Variants in SDK2 observed in about 807,000 individuals in gnomAD.
SDK2 encodes sidekick cell adhesion molecule 2.
SDK2 carries 105 observed loss-of-function variants against 253.9 expected under a neutral mutation model. The ratio of observed to expected loss-of-function variants is 0.41; its 90% confidence interval spans 0.35 to 0.49. The LOEUF (loss-of-function observed/expected upper bound fraction) is 0.49, where lower values mean the gene tolerates loss of function less well. SDK2 is among the 20% of genes least tolerant of loss of function. SDK2 has a pLI of 0.06. For synonymous variants in SDK2, 1,249 were observed against 1,234.9 expected, an observed-to-expected ratio of 1.01 and a Z score of -0.24; for missense variants, 2,608 against 3,003.0, an observed-to-expected ratio of 0.87 and a Z score of 3.07.
chr17:73,504,213 T>TGAGA (rs1435356845), intron 2 of SDK2: 5 of 83,322 alleles, frequency 6.0e-5, no homozygotes, highest in Non-Finnish European at 1.8e-4. Flanking sequence ...TGTGTGTGTG[T>TGAGA]GTGAGAGAGA....
At chr17:73,468,292 G>A (rs2063617635) in intron 3 of SDK2, among the ~76,000 whole-genome samples, 1 of 152,168 alleles carries the variant, frequency 6.6e-6, no homozygotes, top group Non-Finnish European at 1.5e-5. Context: ...ACTGATGCAG[G>A]GTGCACTGTT....
intron 44 of SDK2, among the ~76,000 whole-genome samples, chr17:73,340,734 GTTTTTT>G (rs10638504): frequency 9.0e-5 from 7 of 77,550 alleles, no homozygotes; most frequent in Non-Finnish European, 1.3e-4. Context: ...AAACCTTAAA[GTTTTTT>G]TTTTTTTTTT....
At chr17:73,440,587 G>A (rs911204570) in intron 6 of SDK2, among the ~76,000 whole-genome samples, 5 of 152,128 alleles carry the variant, frequency 3.3e-5, no homozygotes, top group Admixed American at 1.3e-4. Context: ...TTCCCTGTAA[G>A]TTCCATCCAG....
In SDK2 at chr17:73,456,016, G is replaced by C; in HGVS notation, c.369C>G (p.Ser123Arg). The C allele has an allele frequency of 6.5e-7, 1 of 1,537,924 alleles. No homozygotes were observed. ...TGACAGCTGCTTCTCCGTGGGAGACGCTCTGGTGCTTCTCACCTTCCTCAA... is the reference window on the plus strand; with the variant it reads ...TGACAGCTGCTTCTCCGTGGGAGACCCTCTGGTGCTTCTCACCTTCCTCAA... ...GSFEEGEKHQ[S>R]VSHGEAAVIR... The change falls in exon 4 of 45, where the codon AGC becomes AGG. Residue 123 changes from serine to arginine, a missense_variant. Ser to Arg is a moderately radical substitution (Grantham distance 110, BLOSUM62 -1). Around this residue, in one of 2 missense-constraint regions of SDK2, gnomAD observed 1,505 missense variants for 1,859.1 expected, o/e 0.81. Transcript: ENST00000392650.
chr17:73,529,862 T>C (rs1244577738), intron 1 of SDK2, among the ~76,000 whole-genome samples: 1 of 152,176 alleles, frequency 6.6e-6, no homozygotes, highest in African/African-American at 2.4e-5. Context: ...TGAGATGATA[T>C]ATTTTTGTTA....
At chr17:73,350,179 T>C in intron 43 of SDK2, 58 bp downstream of exon 43, 4 of 131,154 alleles carry the variant, frequency 3.0e-5, no homozygotes, top group East Asian at 4.5e-4. Flanking sequence ...TTCCCCAGCA[T>C]TCTCCCCACC....
chr17:73,606,208 G>A (rs2045905014), intron 1 of SDK2, among the ~76,000 whole-genome samples: 1 of 152,180 alleles, frequency 6.6e-6, no homozygotes, highest in African/African-American at 2.4e-5. Flanking sequence ...ATGAAAAGAG[G>A]CTGACGTTCT....
intron 2 of SDK2, among the ~76,000 whole-genome samples, chr17:73,475,721 C>G (rs1325406892): frequency 6.6e-6 from 1 of 152,112 alleles, no homozygotes; most frequent in Non-Finnish European, 1.5e-5. Context: ...TAAAAGCACG[C>G]GATAGCAAGA....
In SDK2 at chr17:73,431,372, G is replaced by A. The variant is rs1209658338; in HGVS notation, c.1480+130C>T. ...CTCTGATGAGAAGGGCCCTGACTGG[G>A]ACAGACACTGGGGATGGAGACACTG... On this transcript the variant is annotated intron_variant, in intron 11 of 44. Coordinates refer to ENST00000392650, the MANE Select transcript of SDK2 (RefSeq NM_001144952.2). The surrounding 1 kb of genome is among the most constrained non-coding windows in gnomAD (Gnocchi z 5.6). 3 of 896,644 alleles carry A rather than the reference G, an allele frequency of 3.3e-6. No homozygotes were observed. Among genetic ancestry groups the A allele is most frequent in the Non-Finnish European group, 5.0e-6 (3 of 605,446 alleles). 55.5% of individuals were successfully genotyped at this position (896,644 alleles called of 1,614,324 possible).
At chr17:73,484,883 G>C (rs1410167967) in intron 2 of SDK2, among the ~76,000 whole-genome samples, 1 of 152,082 alleles carries the variant, frequency 6.6e-6, no homozygotes, top group Non-Finnish European at 1.5e-5. Context: ...TGAACTCCTG[G>C]GCTCAAATGA....
intron 18 of SDK2, among the ~76,000 whole-genome samples, chr17:73,406,701 G>A (rs930372923): frequency 1.3e-5 from 2 of 152,064 alleles, no homozygotes; most frequent in African/African-American, 4.8e-5. Context: ...AATATTCAAC[G>A]TAATTATAGA....
rs1172989221 is a variant in SDK2 at position 73,385,935 on chromosome 17, C to G, written c.4499-18G>C. On this transcript the variant is annotated intron_variant, in intron 31 of 44. Transcript: ENST00000392650. The stretch of plus-strand genomic sequence containing the variant: ...ATCGGGGGCTGTGGAGAGAAGCAGA[C>G]AGGTGGGTTCTGGGGGCCGCAGCTT... The G allele has an allele frequency of 3.8e-6, 6 of 1,583,400 alleles. No homozygotes were observed. The highest frequency in any genetic ancestry group is 5.2e-6 in the Non-Finnish European group (6 of 1,164,294).
chr17:73,596,114 CAG>C (rs1049900043), intron 1 of SDK2, among the ~76,000 whole-genome samples: 1 of 152,204 alleles, frequency 6.6e-6, no homozygotes, highest in Admixed American at 6.5e-5. Flanking sequence ...GATGCACACA[CAG>C]GGAGTCCCAG....
At position 73,576,337 on chromosome 17, in the gene SDK2, A is replaced by G. The variant is rs990989789; in HGVS notation, c.64+67688T>C. 2.6e-5 allele frequency among the ~76,000 whole-genome samples: 4 copies of G among 152,188 alleles called. No homozygotes were observed. The South Asian group carries it at 6.2e-4, about 24-fold the overall frequency. On this transcript the variant is annotated intron_variant, in intron 1 of 44. Coordinates refer to ENST00000392650, the MANE Select transcript of SDK2 (RefSeq NM_001144952.2). ...TCCCAAGGATCAGAAGGGCATCCCC[A>G]AAAATGGGAAGCGCGTCCCAAGGAT...
chr17:73,367,673 T>G (rs1196994111), intron 37 of SDK2, among the ~76,000 whole-genome samples: 2 of 151,744 alleles, frequency 1.3e-5, no homozygotes, highest in Non-Finnish European at 2.9e-5. Flanking sequence ...TGGATAATTT[T>G]TTATATTTTT....
At position 73,399,291 on chromosome 17, in the gene SDK2, T is replaced by G; in HGVS notation, c.2972-2A>C. On this transcript the variant is annotated splice_acceptor_variant, in intron 21 of 44. Transcript: ENST00000392650. LOFTEE classifies it high-confidence loss of function. ...GGTTGGTGGGGGGCCCTGGGAGTTC[T>G]GGAAAAGGAGAACAGGGTGGGGAAG... 1.2e-6 allele frequency: 2 copies of G among 1,613,634 alleles called. No individual in the cohort carries two copies. Among genetic ancestry groups the G allele is most frequent in the Non-Finnish European group, 1.7e-6 (2 of 1,179,744 alleles).
Position 73,386,517 on chromosome 17 carries a change from C to G in SDK2, c.4426G>C (p.Val1476Leu). 6.4e-7 allele frequency: 1 copy of G among 1,560,176 alleles called. No homozygotes were observed. The change falls in exon 31 of 45, where the codon GTG becomes CTG. Residue 1476 changes from valine to leucine, a missense_variant. Val to Leu is a conservative substitution (Grantham distance 32). This residue lies in a region of SDK2 where 1,103 missense variants were observed against 1,143.9 expected (regional missense o/e 0.96). Coordinates refer to ENST00000392650, the MANE Select transcript of SDK2 (RefSeq NM_001144952.2). ...LKPFTSYKFR[V>L]KATNDIGDSE... ...TCGCCAATGTCATTGGTCGCCTTCACTCGGAACTTGTAGGACGTGAAGGGC... is the reference window on the plus strand; with the variant it reads ...TCGCCAATGTCATTGGTCGCCTTCAGTCGGAACTTGTAGGACGTGAAGGGC...
At chr17:73,579,796 G>A (rs1001304799) in intron 1 of SDK2, among the ~76,000 whole-genome samples, 2 of 152,090 alleles carry the variant, frequency 1.3e-5, no homozygotes, top group Admixed American at 6.6e-5. Context: ...GGCCAACATG[G>A]TGAAACCCCA....
chr17:73,358,276 G>A lies in SDK2; in HGVS notation c.5468-72C>T, dbSNP rs139499309. ...CCACCCAGCCCGTCACCCTGGGCTC[G>A]AGGAGGAACACTGGGTGACAAAACC... On this transcript the variant is annotated intron_variant, in intron 39 of 44. Transcript: ENST00000392650. 2.2e-4 allele frequency: 331 copies of A among 1,532,822 alleles called. 4 individuals carry two copies. In the African/African-American group the frequency reaches 3.3e-3, roughly 15 times the overall value. The allele number at this position is 1,532,822 out of a possible 1,614,324, so 95.0% of individuals were successfully genotyped here.
Sources: gnomAD v4.1 joint callset for allele counts (sites outside exome capture counted in the v4.1 genomes callset) on GRCh38, gnomAD v4.1.1 for gene constraint, gnomAD v4.1.1 regional missense constraint, Gnocchi (gnomAD v3.1) non-coding constraint, MANE v1.5 for transcripts, NCBI Gene and HGNC (gene_info 2026-07-23, HGNC 2026-07-21) for gene names.